Variants in JCAD observed in about 807,000 individuals in gnomAD.
JCAD encodes junctional cadherin 5 associated.
A neutral mutation model predicts 98.0 loss-of-function variants in JCAD; 40 were observed. The observed-to-expected ratio is 0.41, with a 90% CI of 0.32 to 0.53. The LOEUF is 0.53. Ranked by LOEUF, JCAD falls within the 20% of genes least tolerant of loss-of-function variation. The probability of loss-of-function intolerance (pLI) is 0.31; values close to 1 mark genes in which losing one functional copy is unlikely to be tolerated. For synonymous variants in JCAD, 691 were observed against 682.3 expected (o/e 1.01, Z -0.20); for missense variants, 1,705 against 1,738.1 (o/e 0.98, Z 0.34).
At chr10:30,064,449 C>T (rs1680111621), upstream of JCAD, among the ~76,000 whole-genome samples, 1 of 152,158 alleles carries the variant, frequency 6.6e-6, no homozygotes, top group African/African-American at 2.4e-5. Context: ...AATGACCCAC[C>T]TGCGGGTATT....
Position 30,028,522 on chromosome 10 carries a change from G to A in JCAD, c.1626C>T (p.Ser542=). ...TGCTCTCGCCCTGTGAGTAAGGGGA[G>A]GAAACTTGTCTTCCAGTGTGCCCGT... ...SQHGHTGRQV[S]SPYSQGESTC... The change falls in exon 3 of 4, where the codon TCC becomes TCT. Residue 542 remains serine (S), a synonymous_variant. Transcript: ENST00000375377. The A allele has an allele frequency of 1.2e-6, 2 of 1,614,230 alleles. No homozygotes were observed. The highest frequency in any genetic ancestry group is 1.7e-6 in the Non-Finnish European group (2 of 1,180,036).
chr10:30,053,178 G>C (rs1052278136), intron 1 of JCAD, among the ~76,000 whole-genome samples: 1 of 152,076 alleles, frequency 6.6e-6, no homozygotes, highest in Non-Finnish European at 1.5e-5. Context: ...GGCATGAGGA[G>C]CTATAAGGGT....
At chr10:30,039,026 T>G (rs1340340566) in intron 2 of JCAD, among the ~76,000 whole-genome samples, 1 of 152,220 alleles carries the variant, frequency 6.6e-6, no homozygotes, top group African/African-American at 2.4e-5. Context: ...TCACGCCAGC[T>G]ATTTAAATGA....
chr10:30,069,047 G>A (rs779805942), intron 2 of JCAD, among the ~76,000 whole-genome samples: 4 of 152,184 alleles, frequency 2.6e-5, no homozygotes, highest in Admixed American at 6.5e-5. Flanking sequence ...AATAGCATTG[G>A]CCTCTCAGAT....
intron 2 of JCAD, among the ~76,000 whole-genome samples, chr10:30,068,815 AC>A (rs1837831473): frequency 6.6e-6 from 1 of 152,164 alleles, no homozygotes; most frequent in Admixed American, 6.5e-5. Flanking sequence ...ACTAGGGATA[AC>A]TGTGTCCCAA....
At chr10:30,068,295 G>T (rs1837820327) in intron 2 of JCAD, among the ~76,000 whole-genome samples, 1 of 149,536 alleles carries the variant, frequency 6.7e-6, no homozygotes, top group African/African-American at 2.5e-5. Context: ...GGAGGCTGAG[G>T]CAGGAGAATC....
Position 30,013,838 on chromosome 10 carries a change from T to A in JCAD, c.*4045A>T, listed in dbSNP as rs1385789072. The A allele has an allele frequency of 6.6e-6, 1 of 152,236 alleles. No individual in the cohort carries two copies. Among genetic ancestry groups the A allele is most frequent in the African/African-American group, 2.4e-5 (1 of 41,448 alleles). 9.4% of individuals were successfully genotyped at this position (152,236 alleles called of 1,614,324 possible). On this transcript the variant is annotated 3_prime_UTR_variant, in exon 4 of 4. Coordinates refer to ENST00000375377, the MANE Select transcript of JCAD (RefSeq NM_020848.4). ...TCTGCTGTATTCGTACACACAAGTATCGCAGAGGCTTTCCAAGGTCGATGC... is the reference window on the plus strand; with the variant it reads ...TCTGCTGTATTCGTACACACAAGTAACGCAGAGGCTTTCCAAGGTCGATGC...
At chr10:30,018,030 G>T (rs947820019) in intron 3 of JCAD, 113 bp from the exon 4 acceptor site, 2 of 756,004 alleles carry the variant, frequency 2.6e-6, no homozygotes, top group Non-Finnish European at 4.3e-6. Context: ...GTGTATAAAG[G>T]TTAATTTTTA....
intron 2 of JCAD, among the ~76,000 whole-genome samples, chr10:30,043,162 G>A (rs985828895): frequency 5.3e-5 from 8 of 152,106 alleles, no homozygotes; most frequent in African/African-American, 1.9e-4. Flanking sequence ...TGTCCTAGAT[G>A]CTCAGTACTA....
At chr10:30,081,813 T>G (rs911576445) in intron 1 of JCAD, among the ~76,000 whole-genome samples, 1 of 152,228 alleles carries the variant, frequency 6.6e-6, no homozygotes, top group African/African-American at 2.4e-5. Flanking sequence ...ACTGTGTCCC[T>G]GAGAGCTGCC....
At chr10:30,113,765 GACCCTTCCA>G (rs1246053059) in intron 1 of JCAD, among the ~76,000 whole-genome samples, 2 of 151,996 alleles carry the variant, frequency 1.3e-5, no homozygotes, top group African/African-American at 2.4e-5. Flanking sequence ...AGACACCCTG[GACCCTTCCA>G]ACCTGTTCCT....
At chr10:30,043,563 A>C (rs1325203920) in intron 2 of JCAD, among the ~76,000 whole-genome samples, 2 of 149,216 alleles carry the variant, frequency 1.3e-5, no homozygotes, top group Non-Finnish European at 3.0e-5. Context: ...TAGACAGGTC[A>C]GGATGCAGTC....
chr10:30,044,495 G>A (rs776554561), intron 2 of JCAD, among the ~76,000 whole-genome samples: 1 of 152,122 alleles, frequency 6.6e-6, no homozygotes, highest in Non-Finnish European at 1.5e-5. Flanking sequence ...GCTTCAAGTT[G>A]GACAGGGCTA....
Position 30,027,319 on chromosome 10 carries a change from T to A in JCAD, c.2829A>T (p.Ala943=), listed in dbSNP as rs764444221. 4.3e-5 allele frequency: 69 copies of A among 1,613,642 alleles called. No individual in the cohort carries two copies. Among genetic ancestry groups the A allele is most frequent in the Non-Finnish European group, 5.5e-5 (65 of 1,180,034 alleles). Reference sequence around the variant, plus strand: ...TGCTTCCATCTGCTGAGCAGAAAGGTGCACCGCCACCTTCTTCCACGCGAA... The same window carrying A: ...TGCTTCCATCTGCTGAGCAGAAAGGAGCACCGCCACCTTCTTCCACGCGAA... The part of the protein sequence containing the change: ...GRFRVEEGGG[A]PFCSADGSTS... Residue 943 remains alanine (A), a synonymous_variant, in exon 3 of 4, where the codon GCA becomes GCT. Transcript: ENST00000375377.
intron 1 of JCAD, among the ~76,000 whole-genome samples, chr10:30,094,942 C>CCCAGAAATTAGTTTTATTAAT (rs1838344999): frequency 6.6e-6 from 1 of 152,210 alleles, no homozygotes; most frequent in Non-Finnish European, 1.5e-5. Context: ...AGGAGGACAT[C>CCCAGAAATTAGTTTTATTAAT]TAGTTCTCAC....
Position 30,028,497 on chromosome 10 carries a change from T to G in JCAD, c.1651A>C (p.Thr551Pro). ...TTGAGCTTGGTTTGAGTTTCGCAGG[T>G]GCTCTCGCCCTGTGAGTAAGGGGAG... The part of the protein sequence containing the change: ...VSSPYSQGES[T>P]CETQTKLKKF... The change falls in exon 3 of 4, where the codon ACC (threonine) becomes CCC (proline). Residue 551 changes from threonine to proline, a missense_variant. This residue lies in a region of JCAD where 1,278 missense variants were observed against 1,243.1 expected (regional missense o/e 1.03). Coordinates refer to ENST00000375377, the MANE Select transcript of JCAD (RefSeq NM_020848.4). 3.7e-6 allele frequency: 6 copies of G among 1,614,242 alleles called. No homozygotes were observed. Among genetic ancestry groups the G allele is most frequent in the Non-Finnish European group, 5.1e-6 (6 of 1,180,046 alleles).
intron 3 of JCAD, among the ~76,000 whole-genome samples, chr10:30,018,296 CTT>C (rs68092911): frequency 1.4e-5 from 1 of 70,652 alleles, no homozygotes. Flanking sequence ...TCTTCTTCTT[CTT>C]TTTTTTTTTT....
chr10:30,027,180 C>T lies in JCAD; in HGVS notation c.2968G>A (p.Ala990Thr), dbSNP rs966996917. Residue 990 changes from alanine to threonine, a missense_variant, in exon 3 of 4, where the codon GCG (alanine) becomes ACG (threonine). Ala to Thr is a moderately conservative substitution (Grantham distance 58, BLOSUM62 0). Transcript: ENST00000375377. Reference protein sequence around the residue: ...SRSSDAKPLPASYPAEPREPQ... With the variant: ...SRSSDAKPLPTSYPAEPREPQ... ...TCCCTAGGTTCAGCTGGATAGGACGCGGGCAGTGGTTTTGCGTCACTTGAT... is the reference window on the plus strand; with the variant it reads ...TCCCTAGGTTCAGCTGGATAGGACGTGGGCAGTGGTTTTGCGTCACTTGAT... 1 of 1,614,134 alleles carries T rather than the reference C, an allele frequency of 6.2e-7. No homozygotes were observed. The highest frequency in any genetic ancestry group is 1.1e-5 in the South Asian group (1 of 91,076).
At chr10:30,073,943 GA>G (rs1837938825) in intron 1 of JCAD, among the ~76,000 whole-genome samples, 1 of 152,238 alleles carries the variant, frequency 6.6e-6, no homozygotes, top group Non-Finnish European at 1.5e-5. Flanking sequence ...ACACTTTAAT[GA>G]GAAGATTCTT....
Sources: allele counts gnomAD v4.1 joint callset (sites outside exome capture counted in the v4.1 genomes callset), GRCh38; gene constraint gnomAD v4.1.1; regional missense constraint gnomAD v4.1.1; transcripts MANE v1.5; gene names NCBI Gene and HGNC (gene_info 2026-07-23, HGNC 2026-07-21).